The following USP33 variants were observed in gnomAD, a reference collection of about 807,000 sequenced individuals.
USP33 encodes ubiquitin specific peptidase 33, also known as ubiquitin carboxyl-terminal hydrolase 33.
USP33 carries 46 observed loss-of-function variants against 124.2 expected under a neutral mutation model. That is an observed-to-expected ratio of 0.37 (90% confidence interval 0.29 to 0.47). The LOEUF (loss-of-function observed/expected upper bound fraction) is 0.47, where lower values mean the gene tolerates loss of function less well. Among genes scored for constraint, USP33 ranks in the 20% least tolerant of loss-of-function variants. The pLI, the probability that USP33 is intolerant of heterozygous loss-of-function variation, is 0.99. For missense variants in USP33, 851 were observed against 1,070.6 expected (o/e 0.79, Z 2.86); for synonymous variants, 350 against 352.3 (o/e 0.99, Z 0.07).
chr1:77,705,198 T>A (rs1042264269), intron 21 of USP33, among the ~76,000 whole-genome samples: 4 of 152,018 alleles, frequency 2.6e-5, no homozygotes, highest in African/African-American at 4.8e-5. Context: ...CTTTTTATTT[T>A]TTATTTTTTT....
chr1:77,729,624 T>G (rs1051477634), intron 9 of USP33, among the ~76,000 whole-genome samples: 5 of 151,994 alleles, frequency 3.3e-5, no homozygotes, highest in Non-Finnish European at 7.4e-5. Context: ...TGAGCCAAGA[T>G]TGCACCACTG....
chr1:77,751,980 G>A (rs1250410973), intron 1 of USP33, among the ~76,000 whole-genome samples: 2 of 151,900 alleles, frequency 1.3e-5, no homozygotes, highest in South Asian at 2.1e-4. Context: ...GAGCCACCGC[G>A]CCGCGCCCGA....
At chr1:77,716,809 C>G (rs954901672) in intron 17 of USP33, among the ~76,000 whole-genome samples, 11 of 152,068 alleles carry the variant, frequency 7.2e-5, no homozygotes, top group African/African-American at 2.7e-4. Context: ...AAATTTTTCC[C>G]ACCAGCCTGA....
Position 77,715,836 on chromosome 1 carries a change from G to A in USP33, c.1951C>T (p.Leu651=). The change falls in exon 18 of 24, where the codon CTA becomes TTA. Residue 651 remains leucine, a synonymous_variant. Transcript: ENST00000370794. ...TCAAATTCATACCAGAGATTATTTA[G>A]ATTGTTTCGGCAGTAGGCTATATAG... ...GHYIAYCRNN[L]NNLWYEFDDQ... is the part of the protein sequence containing the mutation. 1.9e-6 allele frequency: 3 copies of A among 1,613,854 alleles called. No individual in the cohort carries two copies. The highest frequency in any genetic ancestry group is 1.7e-5 in the Admixed American group (1 of 60,018).
intron 6 of USP33, among the ~76,000 whole-genome samples, chr1:77,735,693 C>A (rs567278469): frequency 6.6e-6 from 1 of 152,160 alleles, no homozygotes; most frequent in Non-Finnish European, 1.5e-5. Flanking sequence ...TCACCTGATT[C>A]TTTTTCCAAA....
At chr1:77,726,254 C>A (rs1488885858) in intron 10 of USP33, among the ~76,000 whole-genome samples, 1 of 151,622 alleles carries the variant, frequency 6.6e-6, no homozygotes, top group Non-Finnish European at 1.5e-5. Flanking sequence ...CCAATCCCAA[C>A]TAATGTTTAT....
In USP33 at chr1:77,714,636, A is replaced by G. The variant is rs201782786; in HGVS notation, c.2193T>C (p.Asn731=). ...TACCTCCATGAATACAAAGAAAGTC[A>G]TTATTTGAAATAGGGCCAGGTTCGG... The part of the protein sequence containing the change: ...TFAEPGPISN[N]DFLCIHGGVP... The change falls in exon 19 of 24, where the codon AAT becomes AAC. Residue 731 remains asparagine (N), a synonymous_variant. Coordinates refer to ENST00000370794, the MANE Select transcript of USP33 (RefSeq NM_201624.3). The G allele has an allele frequency of 5.6e-5, 91 of 1,613,154 alleles. 1 individual carries two copies. In the Admixed American group the frequency reaches 1.2e-3, roughly 21 times the overall value.
intron 1 of USP33, among the ~76,000 whole-genome samples, chr1:77,748,027 C>T (rs565215100): frequency 6.6e-6 from 1 of 152,260 alleles, no homozygotes; most frequent in African/African-American, 2.4e-5. Flanking sequence ...AAAGACACAC[C>T]TCCTCACTAA....
chr1:77,714,845 T>G, intron 18 of USP33, 62 bp from the exon 19 acceptor site: 1 of 1,542,364 alleles, frequency 6.5e-7, no homozygotes, highest in Non-Finnish European at 8.8e-7. Flanking sequence ...AGTAGATGGA[T>G]TTTTCTTCTT....
intron 11 of USP33, among the ~76,000 whole-genome samples, chr1:77,725,090 T>G (rs953505302): frequency 2.6e-5 from 4 of 152,172 alleles, no homozygotes; most frequent in African/African-American, 9.6e-5. Context: ...AGGAACAAAC[T>G]ATTCAGACAC....
intron 5 of USP33, 83 bp from the exon 6 acceptor site, chr1:77,736,241 A>C: frequency 3.7e-6 from 3 of 801,614 alleles, no homozygotes; most frequent in Non-Finnish European, 5.7e-6. Context: ...TAACATCTAT[A>C]CCATAAAAAT....
chr1:77,711,588 G>A (rs1331685889), intron 21 of USP33, 159 bp downstream of exon 21: 1 of 1,145,742 alleles, frequency 8.7e-7, no homozygotes, highest in South Asian at 1.8e-5. Context: ...CAACAGAACT[G>A]TAGTGAACTG....
intron 6 of USP33, among the ~76,000 whole-genome samples, chr1:77,734,783 T>C (rs1194885113): frequency 6.6e-6 from 1 of 152,228 alleles, no homozygotes; most frequent in Non-Finnish European, 1.5e-5. Context: ...TCATGATAAA[T>C]GATAAGCAAA....
At chr1:77,734,320 T>C (rs3767037) in intron 7 of USP33, 27 bp downstream of exon 7, 497,183 of 1,512,340 alleles carry the variant, frequency 0.33, 90,636 homozygotes, top group African/African-American at 0.68. Context: ...ATTATACAAA[T>C]AAAACAAAAT....
chr1:77,718,564 C>T (rs1425963262), intron 16 of USP33, 32 bp downstream of exon 16: 2 of 1,515,964 alleles, frequency 1.3e-6, no homozygotes, highest in East Asian at 2.3e-5. Context: ...TCCTACCACA[C>T]AATATAAGTT....
chr1:77,707,874 T>C (rs954764022), intron 21 of USP33, among the ~76,000 whole-genome samples: 1 of 152,212 alleles, frequency 6.6e-6, no homozygotes, highest in Non-Finnish European at 1.5e-5. Context: ...ATAAGGTATA[T>C]TGGTGGTGGT....
intron 1 of USP33, among the ~76,000 whole-genome samples, chr1:77,753,971 T>A (rs1016601340): frequency 5.9e-5 from 9 of 152,156 alleles, no homozygotes; most frequent in African/African-American, 2.2e-4. Flanking sequence ...TGCCAGGACT[T>A]GATACACATG....
At chr1:77,741,507 C>A in intron 2 of USP33, 78 bp from the exon 3 acceptor site, 2 of 1,538,472 alleles carry the variant, frequency 1.3e-6, no homozygotes, top group South Asian at 2.4e-5. Flanking sequence ...CTAATGACAT[C>A]ATACATATTT....
At chr1:77,715,691 A>T in intron 18 of USP33, 51 bp downstream of exon 18, 4 of 1,588,364 alleles carry the variant, frequency 2.5e-6, no homozygotes, top group Non-Finnish European at 3.4e-6. Flanking sequence ...AGTCACTGAT[A>T]AGCCCAAAAT....
Sources: allele counts gnomAD v4.1 joint callset (sites outside exome capture counted in the v4.1 genomes callset), GRCh38; gene constraint gnomAD v4.1.1; transcripts MANE v1.5; gene names NCBI Gene and HGNC (gene_info 2026-07-23, HGNC 2026-07-21).